HSPB8: variants seen among roughly 807,000 people sequenced by gnomAD.
The protein encoded by HSPB8 is heat shock protein family B (small) member 8.
In HSPB8, 9 loss-of-function variants were observed where a neutral mutation model predicts 16.5. That is an observed-to-expected ratio of 0.55 (90% CI 0.33 to 0.95). The LOEUF is 0.95. Ranked by LOEUF, HSPB8 falls within the 40% of genes least tolerant of loss-of-function variation. The pLI, the probability that HSPB8 is intolerant of heterozygous loss-of-function variation, is 0.03. For synonymous variants in HSPB8, 99 were observed against 94.8 expected (o/e 1.04, Z -0.26); for missense variants, 238 against 251.2 (o/e 0.95, Z 0.35).
In HSPB8 at chr12:119,179,253, CCTTG is replaced by C. The variant is rs1407628577; in HGVS notation, c.-59_-56del. The C allele has an allele frequency of 3.0e-5, 46 of 1,558,120 alleles. No homozygotes were observed. The highest frequency in any genetic ancestry group is 4.0e-5 in the Non-Finnish European group (45 of 1,133,532). On this transcript the variant is annotated 5_prime_UTR_variant, in exon 1 of 3. Coordinates refer to ENST00000281938, the MANE Select transcript of HSPB8 (RefSeq NM_014365.3). ...CCAGCCACACCACCTTGTTGTGTGACCTTGGGCAGGTGGTTCTGTCTCTCTGAGC... is the reference window on the plus strand; with the variant it reads ...CCAGCCACACCACCTTGTTGTGTGACGGCAGGTGGTTCTGTCTCTCTGAGC...
intron 2 of HSPB8, among the ~76,000 whole-genome samples, chr12:119,188,495 G>C (rs1252043822): frequency 6.6e-6 from 1 of 151,746 alleles, no homozygotes; most frequent in African/African-American, 2.4e-5. Flanking sequence ...TGATCTGCCC[G>C]CCTCTGCCTC....
At position 119,193,925 on chromosome 12, in the gene HSPB8, T is replaced by G. The variant is rs886049026; in HGVS notation, c.*67T>G. The G allele has an allele frequency of 2.3e-4, 356 of 1,539,868 alleles. 6 individuals carry two copies. The South Asian group carries it at 3.6e-3, about 16-fold the overall frequency. On this transcript the variant is annotated 3_prime_UTR_variant, in exon 3 of 3. Transcript: ENST00000281938. Reference sequence around the variant, plus strand: ...GGGCTTCTCTGATTCCAGGATACATTACTTTAGCTGAACTCAGATTTAGTG... The same window carrying G: ...GGGCTTCTCTGATTCCAGGATACATGACTTTAGCTGAACTCAGATTTAGTG...
chr12:119,179,331 C>A lies in HSPB8; in HGVS notation c.19C>A (p.Pro7Thr). 1 of 1,613,880 alleles carries A rather than the reference C, an allele frequency of 6.2e-7. No homozygotes were observed. Among genetic ancestry groups the A allele is most frequent in the African/African-American group, 1.3e-5 (1 of 75,060 alleles). ...AGCCACCATGGCTGACGGTCAGATG[C>A]CCTTCTCCTGCCACTACCCAAGCCG... MADGQM[P>T]FSCHYPSRLR... Residue 7 changes from proline (P) to threonine (T), a missense_variant, in exon 1 of 3, where the codon CCC (proline) becomes ACC (threonine). Coordinates refer to ENST00000281938, the MANE Select transcript of HSPB8 (RefSeq NM_014365.3).
intron 2 of HSPB8, among the ~76,000 whole-genome samples, chr12:119,188,840 T>C (rs900274640): frequency 6.6e-6 from 1 of 152,232 alleles, no homozygotes; most frequent in Admixed American, 6.5e-5. Context: ...TGGCCCAGCG[T>C]AGGTCCTCAT....
rs1434786597 is a variant in HSPB8 at position 119,194,603 on chromosome 12, T to G, written c.*745T>G. On this transcript the variant is annotated 3_prime_UTR_variant, in exon 3 of 3. Transcript: ENST00000281938. ...CATCAGGAACCAAGCAAAGGCCAGA[T>G]AGCCTGACAGATAGGCTAGTGGTAT... is the stretch of plus-strand genomic sequence containing the variant. 1.8e-5 allele frequency: 3 copies of G among 171,398 alleles called. No individual in the cohort carries two copies. Among genetic ancestry groups the G allele is most frequent in the Non-Finnish European group, 2.4e-5 (2 of 81,852 alleles). 10.6% of individuals were successfully genotyped at this position (171,398 alleles called of 1,614,324 possible).
rs1565927053 is a variant in HSPB8, at chr12:119,179,546, G to A, written c.234G>A (p.Arg78=). The change falls in exon 1 of 3, where the codon AGG becomes AGA. Residue 78 remains arginine (R), a synonymous_variant. Coordinates refer to ENST00000281938, the MANE Select transcript of HSPB8 (RefSeq NM_014365.3). ...CCCGGGGCCCCACTGCCACCGCCAG[G>A]TTTGGGGTGCCTGCCGAGGGCAGGA... ...MVPRGPTATA[R]FGVPAEGRTP... 1.2e-6 allele frequency: 2 copies of A among 1,613,690 alleles called. No individual in the cohort carries two copies. Among genetic ancestry groups the A allele is most frequent in the Admixed American group, 3.3e-5 (2 of 59,996 alleles).
chr12:119,192,766 T>A (rs181381352), intron 2 of HSPB8, among the ~76,000 whole-genome samples: 1 of 151,606 alleles, frequency 6.6e-6, no homozygotes, highest in East Asian at 1.9e-4. Context: ...GATATATATA[T>A]GAAAAAAAGA....
intron 1 of HSPB8, among the ~76,000 whole-genome samples, chr12:119,186,348 G>C (rs1391233724): frequency 6.6e-6 from 1 of 152,180 alleles, no homozygotes; most frequent in Non-Finnish European, 1.5e-5. Flanking sequence ...AGATAATGTG[G>C]CTTAAAGAGC....
intron 2 of HSPB8, among the ~76,000 whole-genome samples, chr12:119,192,365 C>CAAGAT (rs1156856267): frequency 6.6e-6 from 1 of 152,068 alleles, no homozygotes; most frequent in Non-Finnish European, 1.5e-5. Context: ...GTTTTAAGAA[C>CAAGAT]AAGATAATTG....
At chr12:119,185,986 C>G (rs1373545516) in intron 1 of HSPB8, among the ~76,000 whole-genome samples, 1 of 152,088 alleles carries the variant, frequency 6.6e-6, no homozygotes. Flanking sequence ...GAAGGTGGCC[C>G]CACAAATGAG....
intron 1 of HSPB8, among the ~76,000 whole-genome samples, chr12:119,184,170 C>A (rs1954657832): frequency 6.6e-6 from 1 of 152,166 alleles, no homozygotes; most frequent in Non-Finnish European, 1.5e-5. Flanking sequence ...GCTGTGTGAC[C>A]TTGGATACAG....
chr12:119,187,245 C>A (rs962909566), intron 2 of HSPB8, among the ~76,000 whole-genome samples, 157 bp downstream of exon 2: 1 of 152,134 alleles, frequency 6.6e-6, no homozygotes, highest in African/African-American at 2.4e-5. Context: ...GAGAAAATAT[C>A]CCAGCAGACC....
chr12:119,191,726 G>C lies in HSPB8; in HGVS notation c.432-1973G>C, dbSNP rs548154781. 6.3e-4 allele frequency among the ~76,000 whole-genome samples: 96 copies of C among 152,322 alleles called. No homozygotes were observed. In the Middle Eastern group the frequency reaches 0.017, roughly 27 times the overall value. ...CAATAGGCAGAGCCAGCAGGGATCA[G>C]TGGAAAGATTTTGATTGAACTGCCG... On this transcript the variant is annotated intron_variant, in intron 2 of 2. Transcript: ENST00000281938.
At chr12:119,188,221 C>T (rs1220951471) in intron 2 of HSPB8, among the ~76,000 whole-genome samples, 1 of 151,168 alleles carries the variant, frequency 6.6e-6, no homozygotes, top group Non-Finnish European at 1.5e-5. Context: ...GTTTCTGGCC[C>T]CTAAACTCTC....
Position 119,187,127 on chromosome 12 carries a change from G to A in HSPB8, c.431+39G>A, listed in dbSNP as rs553063679. The stretch of plus-strand genomic sequence containing the variant: ...AGTCATGGAGCTCAGGGTGGGAGTG[G>A]AGGAGGGGGCACACCTGGGACCCAT... On this transcript the variant is annotated intron_variant, in intron 2 of 2. Transcript: ENST00000281938. 38 of 1,543,752 alleles carry A rather than the reference G, an allele frequency of 2.5e-5. No individual in the cohort carries two copies. In the Middle Eastern group the frequency reaches 6.7e-4, roughly 27 times the overall value.
At chr12:119,191,458 G>A (rs1371515074) in intron 2 of HSPB8, among the ~76,000 whole-genome samples, 1 of 152,108 alleles carries the variant, frequency 6.6e-6, no homozygotes, top group African/African-American at 2.4e-5. Flanking sequence ...CAGCTTTCTA[G>A]TTCCCTCTTT....
chr12:119,181,532 TG>T (rs1481289365), intron 1 of HSPB8, among the ~76,000 whole-genome samples: 1 of 152,196 alleles, frequency 6.6e-6, no homozygotes, highest in African/African-American at 2.4e-5. Flanking sequence ...GTTCCCAGCT[TG>T]ACTTTTCCCT....
intron 2 of HSPB8, among the ~76,000 whole-genome samples, chr12:119,192,247 T>C (rs762679555): frequency 6.6e-6 from 1 of 152,236 alleles, no homozygotes; most frequent in Non-Finnish European, 1.5e-5. Flanking sequence ...GAGCTTGTCA[T>C]TTGATTTCCC....
At chr12:119,187,624 C>T (rs969785631) in intron 2 of HSPB8, among the ~76,000 whole-genome samples, 2 of 152,230 alleles carry the variant, frequency 1.3e-5, no homozygotes, top group African/African-American at 4.8e-5. Context: ...TCTCAAAGTG[C>T]TGGGATTAGA....
Sources: allele counts gnomAD v4.1 joint callset (sites outside exome capture counted in the v4.1 genomes callset), GRCh38; gene constraint gnomAD v4.1.1; transcripts MANE v1.5; gene names NCBI Gene and HGNC (gene_info 2026-07-23, HGNC 2026-07-21).